The following LZTFL1 variants were observed in gnomAD, a reference collection of about 807,000 sequenced individuals.
LZTFL1 encodes the protein leucine zipper transcription factor-like protein 1.
Under a neutral mutation model 45.9 loss-of-function variants are expected in LZTFL1, and 25 were observed. The observed-to-expected ratio is 0.54, with a 90% CI of 0.40 to 0.76. The LOEUF (loss-of-function observed/expected upper bound fraction) is 0.76, where lower values mean the gene tolerates loss of function less well. LZTFL1 is among the 30% of genes least tolerant of loss of function. The pLI is 0.00. For missense variants in LZTFL1, 277 were observed against 331.1 expected (o/e 0.84, Z 1.27); for synonymous variants, 93 against 117.4 (o/e 0.79, Z 1.35).
At chr3:45,881,715 G>A (rs928031600) in intron 2 of LZTFL1, among the ~76,000 whole-genome samples, 4 of 152,188 alleles carry the variant, frequency 2.6e-5, no homozygotes, top group Non-Finnish European at 4.4e-5. Context: ...TAGAAAACCA[G>A]TATAGCTAAA....
chr3:45,913,252 C>T, intron 1 of LZTFL1: 2 of 1,084,820 alleles, frequency 1.8e-6, no homozygotes, highest in Non-Finnish European at 2.7e-6. Flanking sequence ...CTGCAATGAG[C>T]TGATCTTTCT....
At chr3:45,845,854 AT>A, upstream of LZTFL1, among the ~76,000 whole-genome samples, 1 of 152,246 alleles carries the variant, frequency 6.6e-6, no homozygotes, top group East Asian at 1.9e-4. Context: ...AGCTGTGTTC[AT>A]GACTGGAAGT....
chr3:45,895,439 G>T (rs540768339), intron 2 of LZTFL1, among the ~76,000 whole-genome samples: 4 of 152,356 alleles, frequency 2.6e-5, no homozygotes, highest in Admixed American at 2.6e-4. Context: ...GTCTGGGCGT[G>T]GTAGCTCACG....
intron 3 of LZTFL1, among the ~76,000 whole-genome samples, chr3:45,857,413 A>G (rs1298007251): frequency 6.6e-6 from 1 of 152,192 alleles, no homozygotes; most frequent in African/African-American, 2.4e-5. Flanking sequence ...TAGCTAATTC[A>G]TGTGAGGTGT....
intron 1 of LZTFL1, among the ~76,000 whole-genome samples, chr3:45,914,969 C>T (rs1702868678): frequency 6.6e-6 from 1 of 152,118 alleles, no homozygotes; most frequent in Non-Finnish European, 1.5e-5. Flanking sequence ...GAGGACTGGA[C>T]TGAGGCTGCT....
At position 45,834,255 on chromosome 3, in the gene LZTFL1, T is replaced by C; in HGVS notation, c.367A>G (p.Thr123Ala). The C allele has an allele frequency of 6.3e-7, 1 of 1,594,730 alleles. No homozygotes were observed. Among genetic ancestry groups the C allele is most frequent in the Non-Finnish European group, 8.6e-7 (1 of 1,164,302 alleles). Residue 123 changes from threonine (T) to alanine (A), a missense_variant, in exon 4 of 10, where the codon ACA (threonine) becomes GCA (alanine). Thr to Ala is a moderately conservative substitution (Grantham distance 58, BLOSUM62 0). Coordinates refer to ENST00000296135, the MANE Select transcript of LZTFL1 (RefSeq NM_020347.4). ...QVAEFEKAEI[T>A]SSNKKPILDV... ...AAAGTTACCTTTTTGTTTGAAGATG[T>C]AATCTCTGCTTTTTCAAATTCTGCA... is the stretch of plus-strand genomic sequence containing the variant.
chr3:45,871,299 T>C (rs1701667046), intron 2 of LZTFL1, among the ~76,000 whole-genome samples: 1 of 152,226 alleles, frequency 6.6e-6, no homozygotes, highest in African/African-American at 2.4e-5. Context: ...CCAGTGTGGC[T>C]GAACCCATTT....
At chr3:45,830,848 A>T in intron 7 of LZTFL1, 65 bp downstream of exon 7, 1 of 1,434,492 alleles carries the variant, frequency 7.0e-7, no homozygotes, top group South Asian at 1.2e-5. Flanking sequence ...ACTAAGACTT[A>T]ATTTTAAGTT....
intron 4 of LZTFL1, among the ~76,000 whole-genome samples, chr3:45,833,751 G>A (rs984132213): frequency 1.3e-5 from 2 of 152,100 alleles, no homozygotes; most frequent in Non-Finnish European, 2.9e-5. Context: ...GAGTATTTAC[G>A]GTGTGCCCGT....
chr3:45,895,563 A>G (rs1286122416), intron 2 of LZTFL1, among the ~76,000 whole-genome samples: 1 of 152,190 alleles, frequency 6.6e-6, no homozygotes, highest in Non-Finnish European at 1.5e-5. Context: ...AAAAATACAA[A>G]AATAGCTAGG....
At chr3:45,883,636 A>C (rs1701904814) in intron 2 of LZTFL1, 6 of 442,176 alleles carry the variant, frequency 1.4e-5, no homozygotes, top group Non-Finnish European at 1.7e-5. Flanking sequence ...CAAAAAGGTC[A>C]GCGCTTCTAC....
In LZTFL1 at chr3:45,900,776, C is replaced by T. The variant is rs1163427785; in HGVS notation, c.-215+12344G>A. 3.2e-6 allele frequency: 5 copies of T among 1,575,844 alleles called. No individual in the cohort carries two copies. In the African/African-American group the frequency reaches 4.0e-5, roughly 13 times the overall value. Reference sequence around the variant, plus strand: ...TCAGACAGGACCTTCAAAATATTTTCCTTGACCTAATGCCATCTTGTGTCC... The same window carrying T: ...TCAGACAGGACCTTCAAAATATTTTTCTTGACCTAATGCCATCTTGTGTCC... On this transcript the variant is annotated intron_variant, in intron 2 of 4. Transcript: ENST00000472635. The surrounding 1 kb of genome is among the most constrained non-coding windows in gnomAD (Gnocchi z 4.7).
chr3:45,856,805 T>C (rs991905746), intron 3 of LZTFL1, among the ~76,000 whole-genome samples: 3 of 151,860 alleles, frequency 2.0e-5, no homozygotes, highest in African/African-American at 7.3e-5. Context: ...GAAATGCAAA[T>C]CAAAACCACA....
At position 45,865,071 on chromosome 3, in the gene LZTFL1, TC is replaced by T. The variant is rs576090531; in HGVS notation, c.-214-6056del. ...ACACCTTGTGGCCATCGATTACATT[TC>T]CACTGACCGTTCTATCACTCTCCAG... On this transcript the variant is annotated intron_variant, in intron 2 of 4. Coordinates refer to the LZTFL1 transcript ENST00000472635. 2.0e-5 allele frequency among the ~76,000 whole-genome samples: 3 copies of T among 152,316 alleles called. No homozygotes were observed. In the South Asian group the frequency reaches 6.2e-4, roughly 32 times the overall value.
chr3:45,889,715 T>C (rs139623047), intron 2 of LZTFL1, among the ~76,000 whole-genome samples: 11 of 151,830 alleles, frequency 7.2e-5, no homozygotes, highest in African/African-American at 2.4e-4. Flanking sequence ...TCACACAACA[T>C]AAGTCTTCCT....
At position 45,901,815 on chromosome 3, in the gene LZTFL1, T is replaced by C. The variant is rs758696364; in HGVS notation, c.-215+11305A>G. The C allele has an allele frequency of 6.2e-7, 1 of 1,614,048 alleles. No homozygotes were observed. The highest frequency in any genetic ancestry group is 8.5e-7 in the Non-Finnish European group (1 of 1,179,926). On this transcript the variant is annotated intron_variant, in intron 2 of 4. Transcript: ENST00000472635. This position sits in a 1 kb window ranked among gnomAD's most constrained non-coding sequence, Gnocchi z 4.3. ...CTTGGGTTGCATCAGCCAGGCCCAG[T>C]GGGTTTCATTTACAAGGAGAGAGGG...
rs139107036 is a variant in LZTFL1 at position 45,901,092 on chromosome 3, C to T, written c.-215+12028G>A. On this transcript the variant is annotated intron_variant, in intron 2 of 4. Transcript: ENST00000472635. The surrounding 1 kb of genome is among the most constrained non-coding windows in gnomAD (Gnocchi z 4.3). ...TGACCTCCTCTTTCTTGTCACTCTT[C>T]CCTTCTGGGCCATTGCTGCTGCTGA... 1,035 of 1,614,166 alleles carry T rather than the reference C, an allele frequency of 6.4e-4. 2 individuals carry two copies. Among genetic ancestry groups the T allele is most frequent in the Non-Finnish European group, 6.6e-4 (778 of 1,180,032 alleles).
chr3:45,883,264 C>T (rs1701894325), intron 2 of LZTFL1, among the ~76,000 whole-genome samples: 1 of 152,056 alleles, frequency 6.6e-6, no homozygotes, highest in South Asian at 2.1e-4. Flanking sequence ...CCCATTATTC[C>T]CAAGGCAAGT....
chr3:45,895,776 G>T (rs1244789182), intron 2 of LZTFL1, among the ~76,000 whole-genome samples: 1 of 150,266 alleles, frequency 6.7e-6, no homozygotes, highest in African/African-American at 2.4e-5. Flanking sequence ...TTCTTTTACA[G>T]CCGAATGTAA....
Sources: gnomAD v4.1 joint callset for allele counts (sites outside exome capture counted in the v4.1 genomes callset) on GRCh38, gnomAD v4.1.1 for gene constraint, Gnocchi (gnomAD v3.1) non-coding constraint, MANE v1.5 for transcripts, NCBI Gene and HGNC (gene_info 2026-07-23, HGNC 2026-07-21) for gene names.